The following DKK2 variants were observed in gnomAD, a reference collection of about 807,000 sequenced individuals.
The protein encoded by DKK2 is dickkopf-related protein 2.
A neutral mutation model predicts 28.1 loss-of-function variants in DKK2; 11 were observed. The ratio of observed to expected loss-of-function variants is 0.39; its 90% CI spans 0.25 to 0.65. The LOEUF (loss-of-function observed/expected upper bound fraction) is 0.65, where lower values mean the gene tolerates loss of function less well. DKK2 is among the 30% of genes least tolerant of loss of function. DKK2 has a pLI of 0.47. For synonymous variants in DKK2, 135 were observed against 126.5 expected, an observed-to-expected ratio of 1.07 and a Z score of -0.45; for missense variants, 326 against 335.5, an observed-to-expected ratio of 0.97 and a Z score of 0.22.
chr4:106,997,735 G>A (rs1287286017), intron 1 of DKK2, among the ~76,000 whole-genome samples: 2 of 152,226 alleles, frequency 1.3e-5, no homozygotes, highest in Non-Finnish European at 2.9e-5. Context: ...CTGCAGGTAT[G>A]TTGAAATGCA....
chr4:106,925,771 C>A, intron 2 of DKK2, 28 bp downstream of exon 2: 1 of 1,584,514 alleles, frequency 6.3e-7, no homozygotes, highest in African/African-American at 1.4e-5. Flanking sequence ...AAGAAAGAGG[C>A]CCATTAACAC....
intron 1 of DKK2, among the ~76,000 whole-genome samples, chr4:106,928,074 T>C (rs766688708): frequency 5.9e-5 from 9 of 152,144 alleles, no homozygotes; most frequent in Non-Finnish European, 8.8e-5. Flanking sequence ...TAGCAGTGTC[T>C]GCCAAAAAAT....
At chr4:106,950,455 C>G (rs982181292) in intron 1 of DKK2, among the ~76,000 whole-genome samples, 1 of 152,128 alleles carries the variant, frequency 6.6e-6, no homozygotes, top group African/African-American at 2.4e-5. Flanking sequence ...CCCTACTGCA[C>G]CTGTGGAAAA....
chr4:106,956,650 G>A (rs1445981336), intron 1 of DKK2, among the ~76,000 whole-genome samples: 1 of 152,090 alleles, frequency 6.6e-6, no homozygotes, highest in Non-Finnish European at 1.5e-5. Flanking sequence ...AAGCAATGGG[G>A]AAAGGATTCC....
chr4:106,979,539 A>G (rs1384169076), intron 1 of DKK2, among the ~76,000 whole-genome samples: 1 of 151,234 alleles, frequency 6.6e-6, no homozygotes, highest in Non-Finnish European at 1.5e-5. Flanking sequence ...TGCCGCTAAG[A>G]TTTAATAACT....
At position 106,923,152 on chromosome 4, in the gene DKK2, A is replaced by G. The variant is rs887691397; in HGVS notation, c.*802T>C. The G allele has an allele frequency of 6.6e-6, 1 of 152,200 alleles. No homozygotes were observed. Among genetic ancestry groups the G allele is most frequent in the Non-Finnish European group, 1.5e-5 (1 of 68,038 alleles). 9.4% of individuals were successfully genotyped at this position (152,200 alleles called of 1,614,324 possible). ...AATTTATGGGTATAGTTTGGAAAAT[A>G]TAATGCATTCAGAGCAGGAATCACA... On this transcript the variant is annotated 3_prime_UTR_variant, in exon 4 of 4. Coordinates refer to ENST00000285311, the MANE Select transcript of DKK2 (RefSeq NM_014421.3).
At chr4:106,955,002 C>T (rs1223439422) in intron 1 of DKK2, among the ~76,000 whole-genome samples, 1 of 152,156 alleles carries the variant, frequency 6.6e-6, no homozygotes, top group East Asian at 1.9e-4. Context: ...TAATTAATAA[C>T]ATTGCTTTGC....
At chr4:106,978,442 A>G (rs1722975501) in intron 1 of DKK2, among the ~76,000 whole-genome samples, 2 of 152,068 alleles carry the variant, frequency 1.3e-5, no homozygotes, top group South Asian at 2.1e-4. Context: ...CCCTGCCCAG[A>G]GAGAAGGAAT....
intron 1 of DKK2, among the ~76,000 whole-genome samples, chr4:107,017,794 T>G (rs1723631634): frequency 6.6e-6 from 1 of 151,954 alleles, no homozygotes; most frequent in African/African-American, 2.4e-5. Flanking sequence ...TACAGTTGTT[T>G]TGTCAAATGC....
chr4:107,024,481 C>A (rs534873521), intron 1 of DKK2, among the ~76,000 whole-genome samples: 38 of 152,240 alleles, frequency 2.5e-4, no homozygotes, highest in Non-Finnish European at 4.3e-4. Context: ...AAAAAAACTT[C>A]TATTTTCAAT....
intron 1 of DKK2, among the ~76,000 whole-genome samples, chr4:106,966,804 A>G (rs1406880016): frequency 6.6e-6 from 1 of 152,166 alleles, no homozygotes; most frequent in East Asian, 1.9e-4. Context: ...AAACCAACAG[A>G]TCTCATGAGA....
chr4:107,030,674 A>G lies in DKK2; in HGVS notation c.222+4696T>C, dbSNP rs189313566. ...TTGTAATTGATTTTGCTGTTAATTC[A>G]ATACTAAAGAATAAACAGCCATTAG... On this transcript the variant is annotated intron_variant, in intron 1 of 3. Coordinates refer to ENST00000285311, the MANE Select transcript of DKK2 (RefSeq NM_014421.3). 5.6e-3 allele frequency among the ~76,000 whole-genome samples: 848 copies of G among 152,164 alleles called. 5 individuals are homozygous for G. The highest frequency in any genetic ancestry group is 7.0e-3 in the Non-Finnish European group (472 of 67,888).
intron 1 of DKK2, among the ~76,000 whole-genome samples, chr4:106,998,344 A>T (rs1377454692): frequency 1.3e-5 from 2 of 152,148 alleles, no homozygotes; most frequent in Non-Finnish European, 2.9e-5. Context: ...AAGTATACAT[A>T]AAATGTTTCC....
intron 1 of DKK2, among the ~76,000 whole-genome samples, chr4:106,974,057 G>T (rs1253715421): frequency 1.3e-5 from 2 of 152,022 alleles, no homozygotes; most frequent in African/African-American, 4.8e-5. Flanking sequence ...TCATAGATGT[G>T]TGGTGTTATT....
At chr4:106,938,364 T>C (rs1260716133) in intron 1 of DKK2, among the ~76,000 whole-genome samples, 10 of 151,806 alleles carry the variant, frequency 6.6e-5, no homozygotes, top group African/African-American at 2.4e-4. Context: ...AACTAGAAAA[T>C]CTAGAAGAAA....
chr4:107,008,313 A>T (rs72666034), intron 1 of DKK2, among the ~76,000 whole-genome samples: 2,131 of 152,198 alleles, frequency 0.014, 26 homozygotes, highest in Non-Finnish European at 0.022. Context: ...AAGATCTTTC[A>T]GTTTGAGTGG....
chr4:106,945,908 C>G (rs1018034832), intron 1 of DKK2, among the ~76,000 whole-genome samples: 1 of 152,116 alleles, frequency 6.6e-6, no homozygotes, highest in Non-Finnish European at 1.5e-5. Flanking sequence ...CCACAGCCAG[C>G]CATGGATCCT....
Position 106,984,444 on chromosome 4 carries a change from G to A in DKK2, c.222+50926C>T, listed in dbSNP as rs79617889. On this transcript the variant is annotated intron_variant, in intron 1 of 3. Coordinates refer to ENST00000285311, the MANE Select transcript of DKK2 (RefSeq NM_014421.3). ...GCTTATGAGTGGAATCATGCAACAT[G>A]TTACCTGTGTCTGGTTTATTTCGCT... is the stretch of plus-strand genomic sequence containing the variant. Among the ~76,000 whole-genome samples the A allele has an allele frequency of 2.2e-3, 337 of 152,290 alleles. 2 individuals carry two copies. Among genetic ancestry groups the A allele is most frequent in the African/African-American group, 7.6e-3 (317 of 41,560 alleles).
At chr4:107,028,465 A>G (rs746568582) in intron 1 of DKK2, among the ~76,000 whole-genome samples, 7 of 152,190 alleles carry the variant, frequency 4.6e-5, no homozygotes, top group Middle Eastern at 3.4e-3. Context: ...TTTTTCATAT[A>G]TATTATCTCA....
Sources: allele counts gnomAD v4.1 joint callset (sites outside exome capture counted in the v4.1 genomes callset), GRCh38; gene constraint gnomAD v4.1.1; transcripts MANE v1.5; gene names NCBI Gene and HGNC (gene_info 2026-07-23, HGNC 2026-07-21).